Variants in GRIK1 observed in about 807,000 individuals in gnomAD.
GRIK1 encodes the protein glutamate ionotropic receptor kainate type subunit 1, also known as glutamate receptor ionotropic, kainate 1.
GRIK1 carries 69 observed loss-of-function variants against 105.7 expected under a neutral mutation model. The observed-to-expected ratio is 0.65, with a 90% CI of 0.54 to 0.80. The LOEUF (loss-of-function observed/expected upper bound fraction) is 0.80. Among genes scored for constraint, GRIK1 ranks in the 30% least tolerant of loss-of-function variants. The pLI, the probability that GRIK1 is intolerant of heterozygous loss-of-function variation, is 0.00. For missense variants in GRIK1, 1,109 were observed against 1,167.3 expected, an observed-to-expected ratio of 0.95 and a Z score of 0.73; for synonymous variants, 438 against 431.3, an observed-to-expected ratio of 1.02 and a Z score of -0.19.
At chr21:29,597,178 C>T (rs1215977835) in intron 8 of GRIK1, among the ~76,000 whole-genome samples, 2 of 152,186 alleles carry the variant, frequency 1.3e-5, no homozygotes, top group African/African-American at 2.4e-5. Flanking sequence ...GTTGGCTTCC[C>T]TCATTGCCTT....
intron 15 of GRIK1, among the ~76,000 whole-genome samples, chr21:29,556,252 G>C (rs182724330): frequency 1.3e-5 from 2 of 152,026 alleles, no homozygotes; most frequent in Non-Finnish European, 2.9e-5. Flanking sequence ...TCATAGCTCC[G>C]CCTGTAACCA....
chr21:29,575,091 G>A (rs1028659211), intron 14 of GRIK1, among the ~76,000 whole-genome samples: 8 of 152,118 alleles, frequency 5.3e-5, no homozygotes, highest in African/African-American at 1.9e-4. Context: ...TTTGCTTCTT[G>A]ATAAAACTCT....
At chr21:29,668,456 G>A (rs2063100944) in intron 4 of GRIK1, among the ~76,000 whole-genome samples, 1 of 152,306 alleles carries the variant, frequency 6.6e-6, no homozygotes, top group African/African-American at 2.4e-5. Context: ...GGGAGAAAAG[G>A]CTGTGTCACG....
In GRIK1 at chr21:29,561,713, C is replaced by G. The variant is rs751754516; in HGVS notation, c.2267G>C (p.Ser756Thr). The change falls in exon 15 of 18, where the codon AGC becomes ACC. Residue 756 changes from serine to threonine, a missense_variant. Physicochemically the swap from Ser to Thr is moderately conservative, Grantham distance 58 (BLOSUM62 1). This residue lies in a region of GRIK1 where 264 missense variants were observed against 306.9 expected (regional missense o/e 0.86). Coordinates refer to ENST00000327783, the MANE Select transcript of GRIK1 (RefSeq NM_001330994.2). The part of the protein sequence containing the change: ...TDYALLMEST[S>T]IEYVTQRNCN... Reference sequence around the variant, plus strand: ...GTTTCTCTGCGTCACATACTCAATGCTGGTGGACTCCATCAGCAGCGCGTA... The same window carrying G: ...GTTTCTCTGCGTCACATACTCAATGGTGGTGGACTCCATCAGCAGCGCGTA... 6.2e-7 allele frequency: 1 copy of G among 1,613,942 alleles called. No homozygotes were observed. The highest frequency in any genetic ancestry group is 1.3e-5 in the African/African-American group (1 of 74,916).
intron 1 of GRIK1, among the ~76,000 whole-genome samples, chr21:29,769,805 C>T (rs1157444951): frequency 6.6e-6 from 1 of 152,104 alleles, no homozygotes; most frequent in Non-Finnish European, 1.5e-5. Context: ...TCAGGAGCAA[C>T]CAACCCTGCT....
At chr21:29,818,073 T>A (rs182720235) in intron 1 of GRIK1, among the ~76,000 whole-genome samples, 1 of 152,002 alleles carries the variant, frequency 6.6e-6, no homozygotes. Flanking sequence ...AAGTCTGGAG[T>A]CTTAGACAAC....
At position 29,577,051 on chromosome 21, in the gene GRIK1, G is replaced by C. The variant is rs1325514493; in HGVS notation, c.2043C>G (p.Ser681=). ...CCAGATCATCTGCCGAATCTATGGG[G>C]GATTCCATTCTCTCTACTGTCAAGA... ...AAFLTVERME[S]PIDSADDLAK... Residue 681 remains serine, a synonymous_variant, in exon 14 of 18, where the codon TCC becomes TCG. Coordinates refer to ENST00000327783, the MANE Select transcript of GRIK1 (RefSeq NM_001330994.2). The C allele has an allele frequency of 1.9e-6, 3 of 1,613,316 alleles. No homozygotes were observed. The highest frequency in any genetic ancestry group is 2.5e-6 in the Non-Finnish European group (3 of 1,179,466).
At chr21:29,560,548 C>CTTTCTTTCTT (rs2090443933) in intron 15 of GRIK1, among the ~76,000 whole-genome samples, 1 of 94,154 alleles carries the variant, frequency 1.1e-5, no homozygotes, top group Non-Finnish European at 2.1e-5. Context: ...TTCTTTCTTT[C>CTTTCTTTCTT]TTTCTTTCTT....
chr21:29,582,830 T>A (rs1466325343), intron 12 of GRIK1, among the ~76,000 whole-genome samples: 1 of 152,056 alleles, frequency 6.6e-6, no homozygotes, highest in South Asian at 2.1e-4. Context: ...AAAAACACCA[T>A]AAAGCCCATG....
At chr21:29,634,323 A>G (rs2008910) in intron 7 of GRIK1, among the ~76,000 whole-genome samples, 42,665 of 152,142 alleles carry the variant, frequency 0.28, 6,007 homozygotes, top group Non-Finnish European at 0.3. Flanking sequence ...TTCATAGCAA[A>G]GCAGTGGCAG....
chr21:29,722,372 C>T (rs376750877), intron 1 of GRIK1, among the ~76,000 whole-genome samples: 10 of 151,792 alleles, frequency 6.6e-5, no homozygotes, highest in South Asian at 2.1e-4. Context: ...CTGGCTAACA[C>T]GATGAAACCC....
rs560026649 is a variant in GRIK1 at position 29,758,412 on chromosome 21, G to T, written c.119-64349C>A. On this transcript the variant is annotated intron_variant, in intron 1 of 17. Coordinates refer to ENST00000327783, the MANE Select transcript of GRIK1 (RefSeq NM_001330994.2). ...TGGTGGGTAAGAGAGCTTGTATAGA[G>T]GAACTCCCCTTTATAAAACCATCAG... Among the ~76,000 whole-genome samples, 6 of 152,260 alleles carry T rather than the reference G, an allele frequency of 3.9e-5. No individual in the cohort carries two copies. In the East Asian group the frequency reaches 9.7e-4, roughly 25 times the overall value.
rs369150794 is a variant in GRIK1, at chr21:29,862,041, C to T, written c.118+77342G>A. On this transcript the variant is annotated intron_variant, in intron 1 of 17. Coordinates refer to ENST00000327783, the MANE Select transcript of GRIK1 (RefSeq NM_001330994.2). ...ATAGAGTCTTGCCCAGGCTGTGGTG[C>T]AATGGCATGATCATGGCTCACTGAA... Among the ~76,000 whole-genome samples, 20 of 152,238 alleles carry T rather than the reference C, an allele frequency of 1.3e-4. 1 individual carries two copies. In the East Asian group the frequency reaches 3.5e-3, roughly 26 times the overall value.
At position 29,693,963 on chromosome 21, in the gene GRIK1, A is replaced by G. The variant is rs773821048; in HGVS notation, c.219T>C (p.Pro73=). Reference sequence around the variant, plus strand: ...GGATGTCATAGGTTAATGTGGTGTTAGGCATCAGGGTTCGGTTTCTGTTAA... The same window carrying G: ...GGATGTCATAGGTTAATGTGGTGTTGGGCATCAGGGTTCGGTTTCTGTTAA... ...TSINRNRTLM[P]NTTLTYDIQR... is the part of the protein sequence containing the mutation. The change falls in exon 2 of 18, where the codon CCT becomes CCC. Residue 73 remains proline, a synonymous_variant. Transcript: ENST00000327783. 6.2e-7 allele frequency: 1 copy of G among 1,612,498 alleles called. No homozygotes were observed. Among genetic ancestry groups the G allele is most frequent in the Admixed American group, 1.7e-5 (1 of 60,010 alleles).
At chr21:29,755,435 C>T (rs1337417581) in intron 1 of GRIK1, among the ~76,000 whole-genome samples, 1 of 152,256 alleles carries the variant, frequency 6.6e-6, no homozygotes, top group African/African-American at 2.4e-5. Flanking sequence ...CAGGCATTCA[C>T]TTATTTCATC....
intron 1 of GRIK1, among the ~76,000 whole-genome samples, chr21:29,830,155 A>G (rs538822788): frequency 6.6e-6 from 1 of 152,252 alleles, no homozygotes; most frequent in East Asian, 1.9e-4. Context: ...CCAACCATGG[A>G]AATGTATGAA....
chr21:29,590,671 G>A (rs1484412301), intron 10 of GRIK1, among the ~76,000 whole-genome samples: 1 of 152,182 alleles, frequency 6.6e-6, no homozygotes, highest in African/African-American at 2.4e-5. Context: ...TAAAAACAGT[G>A]CCACTGATGG....
At chr21:29,543,518 T>G (rs2090003095) in intron 16 of GRIK1, among the ~76,000 whole-genome samples, 1 of 152,204 alleles carries the variant, frequency 6.6e-6, no homozygotes, top group Non-Finnish European at 1.5e-5. Context: ...ACTGAGGATT[T>G]GGGCAGCATT....
intron 1 of GRIK1, among the ~76,000 whole-genome samples, chr21:29,727,081 T>A (rs2064487484): frequency 6.6e-6 from 1 of 151,946 alleles, no homozygotes; most frequent in African/African-American, 2.4e-5. Context: ...AGCACAGGCA[T>A]GCAAGAAAAA....
Sources: allele counts gnomAD v4.1 joint callset (sites outside exome capture counted in the v4.1 genomes callset), GRCh38; gene constraint gnomAD v4.1.1; regional missense constraint gnomAD v4.1.1; transcripts MANE v1.5; gene names NCBI Gene and HGNC (gene_info 2026-07-23, HGNC 2026-07-21).